Variants in FAM193A observed in about 807,000 individuals in gnomAD.
The protein encoded by FAM193A is family with sequence similarity 193 member A, also known as protein FAM193A.
In FAM193A, 22 loss-of-function variants were observed where a neutral mutation model predicts 126.5. The ratio of observed to expected loss-of-function variants is 0.17; its 90% CI spans 0.12 to 0.25. The LOEUF (loss-of-function observed/expected upper bound fraction) is 0.25, where lower values mean the gene tolerates loss of function less well. FAM193A is among the 10% of genes least tolerant of loss of function. FAM193A has a pLI of 1.00. For missense variants in FAM193A, 1,675 were observed against 1,672.8 expected (o/e 1.00, Z -0.02); for synonymous variants, 761 against 646.8 (o/e 1.18, Z -2.68).
intron 2 of FAM193A, among the ~76,000 whole-genome samples, chr4:2,611,982 G>A (rs13144951): frequency 0.21 from 31,165 of 151,056 alleles, 3,347 homozygotes; most frequent in East Asian, 0.33. Flanking sequence ...GACTACAGGC[G>A]CCCACCACCA....
intron 1 of FAM193A, among the ~76,000 whole-genome samples, chr4:2,566,143 G>A (rs975481680): frequency 4.0e-5 from 6 of 151,884 alleles, no homozygotes; most frequent in Non-Finnish European, 8.8e-5. Context: ...TGCCTTCTGG[G>A]TTCACGCCAT....
intron 1 of FAM193A, among the ~76,000 whole-genome samples, chr4:2,595,075 G>A (rs1740784696): frequency 6.6e-6 from 1 of 151,268 alleles, no homozygotes; most frequent in Non-Finnish European, 1.5e-5. Context: ...TTGACACGGG[G>A]TCTTGCCCTC....
chr4:2,566,336 C>A (rs560176664), intron 1 of FAM193A, among the ~76,000 whole-genome samples: 1 of 152,126 alleles, frequency 6.6e-6, no homozygotes, highest in Non-Finnish European at 1.5e-5. Flanking sequence ...CGTGAGCCAC[C>A]GCGCCTGGCC....
At chr4:2,710,375 A>G (rs920071191) in intron 19 of FAM193A, among the ~76,000 whole-genome samples, 7 of 152,022 alleles carry the variant, frequency 4.6e-5, no homozygotes, top group African/African-American at 1.7e-4. Context: ...GGGTTTCACC[A>G]TGTTAGCCAG....
At chr4:2,709,192 C>T (rs1158858099) in intron 19 of FAM193A, among the ~76,000 whole-genome samples, 2 of 152,018 alleles carry the variant, frequency 1.3e-5, no homozygotes, top group African/African-American at 2.4e-5. Context: ...TGTATTAATA[C>T]GATGTTTTAC....
intron 2 of FAM193A, among the ~76,000 whole-genome samples, chr4:2,604,907 C>G (rs1324620755): frequency 6.7e-6 from 1 of 148,814 alleles, no homozygotes; most frequent in Non-Finnish European, 1.5e-5. Flanking sequence ...AAGTGATTCT[C>G]CCAGCTTAGC....
intron 19 of FAM193A, among the ~76,000 whole-genome samples, chr4:2,711,611 A>G (rs1425702843): frequency 6.7e-6 from 1 of 150,158 alleles, no homozygotes; most frequent in Non-Finnish European, 1.5e-5. Context: ...AAGTGCTGGG[A>G]TTACTGGCGT....
chr4:2,582,758 G>A (rs1577037368), intron 1 of FAM193A, among the ~76,000 whole-genome samples: 1 of 151,610 alleles, frequency 6.6e-6, no homozygotes, highest in East Asian at 1.9e-4. Flanking sequence ...TTGTAGAGGC[G>A]GCTTGGATCT....
intron 1 of FAM193A, among the ~76,000 whole-genome samples, chr4:2,579,622 T>C (rs981093004): frequency 2.0e-5 from 3 of 152,050 alleles, no homozygotes; most frequent in East Asian, 1.9e-4. Flanking sequence ...TTGCTTAAGC[T>C]TGGGGAGTTG....
chr4:2,702,570 C>G (rs769209115), intron 19 of FAM193A, among the ~76,000 whole-genome samples: 14 of 152,308 alleles, frequency 9.2e-5, no homozygotes, highest in Non-Finnish European at 1.8e-4. Context: ...CCTACACACA[C>G]TAATTGCTAT....
intron 1 of FAM193A, among the ~76,000 whole-genome samples, chr4:2,545,747 C>T (rs1737505947): frequency 6.6e-6 from 1 of 152,314 alleles, no homozygotes; most frequent in South Asian, 2.1e-4. Context: ...AGTGTTATGA[C>T]AATGGCTCAT....
intron 2 of FAM193A, among the ~76,000 whole-genome samples, chr4:2,611,058 A>T (rs976896550): frequency 6.6e-6 from 1 of 151,442 alleles, no homozygotes; most frequent in Admixed American, 6.6e-5. Flanking sequence ...TTTTAAGTGG[A>T]TGCAATTTAC....
chr4:2,656,953 G>A (rs893578170), intron 7 of FAM193A, among the ~76,000 whole-genome samples: 2 of 152,192 alleles, frequency 1.3e-5, no homozygotes, highest in Non-Finnish European at 2.9e-5. Flanking sequence ...GATCACTTGA[G>A]GCCAGGAGTT....
rs1055458792 is a variant in FAM193A, at chr4:2,557,170, A to G, written c.255+20000A>G. ...CAATAACAGTAATAGGACAATTATC[A>G]CAATACATTGTAATAAAAGTTATGT... is the stretch of plus-strand genomic sequence containing the variant. On this transcript the variant is annotated intron_variant, in intron 1 of 20. Coordinates refer to ENST00000637812, the MANE Select transcript of FAM193A (RefSeq NM_001366318.2). 1.1e-4 allele frequency among the ~76,000 whole-genome samples: 17 copies of G among 152,232 alleles called. 1 individual carries two copies. Among genetic ancestry groups the G allele is most frequent in the Non-Finnish European group, 2.9e-5 (2 of 68,038 alleles).
chr4:2,655,444 CGCCTGTGTGT>C (rs1711559292), intron 7 of FAM193A, among the ~76,000 whole-genome samples: 1 of 150,674 alleles, frequency 6.6e-6, no homozygotes, highest in South Asian at 2.1e-4. Flanking sequence ...TGTGCGTGTG[CGCCTGTGTGT>C]GTGTGTGTGT....
intron 19 of FAM193A, among the ~76,000 whole-genome samples, chr4:2,704,496 C>T (rs1390738081): frequency 1.3e-5 from 2 of 151,086 alleles, no homozygotes; most frequent in South Asian, 2.1e-4. Flanking sequence ...GCCTGGGAGG[C>T]GGAGGTTGCA....
intron 12 of FAM193A, among the ~76,000 whole-genome samples, chr4:2,671,602 C>G (rs905803030): frequency 6.6e-6 from 1 of 152,218 alleles, no homozygotes; most frequent in African/African-American, 2.4e-5. Context: ...TTTCCTTGGG[C>G]TGATTTCCAG....
intron 19 of FAM193A, among the ~76,000 whole-genome samples, chr4:2,703,428 A>T (rs1339520534): frequency 6.6e-6 from 1 of 151,948 alleles, no homozygotes; most frequent in Admixed American, 6.6e-5. Context: ...TGTATTTTTA[A>T]TAGAGATGAG....
intron 7 of FAM193A, among the ~76,000 whole-genome samples, chr4:2,650,146 C>T (rs1210024607): frequency 6.6e-6 from 1 of 152,122 alleles, no homozygotes. Context: ...TTCTATATGA[C>T]AGTGTAATAA....
Sources: allele counts gnomAD v4.1 joint callset (sites outside exome capture counted in the v4.1 genomes callset), GRCh38; gene constraint gnomAD v4.1.1; transcripts MANE v1.5; gene names NCBI Gene and HGNC (gene_info 2026-07-23, HGNC 2026-07-21).